VPS8: variants seen among roughly 807,000 people sequenced by gnomAD.
VPS8 encodes vacuolar protein sorting-associated protein 8 homolog.
Under a neutral mutation model 216.4 loss-of-function variants are expected in VPS8, and 129 were observed. That is an observed-to-expected ratio of 0.60 (90% CI 0.52 to 0.69). The LOEUF is 0.69. Among genes scored for constraint, VPS8 ranks in the 30% least tolerant of loss-of-function variants. The probability of loss-of-function intolerance (pLI) is 0.00; values close to 1 mark genes in which losing one functional copy is unlikely to be tolerated. For synonymous variants in VPS8, 571 were observed against 565.4 expected (o/e 1.01, Z -0.14); for missense variants, 1,531 against 1,683.5 (o/e 0.91, Z 1.59).
intron 22 of VPS8, among the ~76,000 whole-genome samples, chr3:184,893,783 A>G (rs1402203494): frequency 6.6e-6 from 1 of 152,234 alleles, no homozygotes; most frequent in Non-Finnish European, 1.5e-5. Flanking sequence ...TGTTCATTGT[A>G]GTATCACTTG....
At chr3:184,953,308 C>T (rs1458466232) in intron 36 of VPS8, among the ~76,000 whole-genome samples, 1 of 152,150 alleles carries the variant, frequency 6.6e-6, no homozygotes, top group Non-Finnish European at 1.5e-5. Context: ...GGCCAAATTG[C>T]AAATCACTAC....
chr3:184,874,929 T>C (rs576720634), intron 21 of VPS8, among the ~76,000 whole-genome samples: 108 of 152,198 alleles, frequency 7.1e-4, no homozygotes, highest in African/African-American at 2.4e-3. Flanking sequence ...TGGGTGGAAA[T>C]CAGGAGATGT....
chr3:184,862,441 AT>A (rs1467273784), intron 15 of VPS8, among the ~76,000 whole-genome samples: 5 of 152,206 alleles, frequency 3.3e-5, no homozygotes, highest in African/African-American at 1.2e-4. Flanking sequence ...AAGGAAGTAG[AT>A]TGTTAAAATA....
At chr3:184,835,709 CTTT>C (rs34896906) in intron 5 of VPS8, among the ~76,000 whole-genome samples, 1 of 126,748 alleles carries the variant, frequency 7.9e-6, no homozygotes, top group Non-Finnish European at 1.6e-5. Context: ...TTGGATTTTT[CTTT>C]TTTTTTTTTT....
intron 45 of VPS8, among the ~76,000 whole-genome samples, chr3:185,021,048 G>T (rs1453544601): frequency 6.6e-6 from 1 of 151,992 alleles, no homozygotes; most frequent in Non-Finnish European, 1.5e-5. Flanking sequence ...CTCCAGCTGG[G>T]GCAACCAGAG....
chr3:185,014,692 T>C lies in VPS8; in HGVS notation c.4003-9644T>C, dbSNP rs559747256. The stretch of plus-strand genomic sequence containing the variant: ...TATGAGGTGTCCCATAGTCCCTGTT[T>C]CTCCCCCCTTTTTTGTTTTTGTAAC... On this transcript the variant is annotated intron_variant, in intron 45 of 47. Transcript: ENST00000625842. Among the ~76,000 whole-genome samples, 20 of 152,280 alleles carry C rather than the reference T, an allele frequency of 1.3e-4. No homozygotes were observed. In the South Asian group the frequency reaches 1.5e-3, roughly 11 times the overall value.
chr3:184,915,487 A>G lies in VPS8; in HGVS notation c.2382+13A>G. On this transcript the variant is annotated intron_variant, in intron 28 of 47. Coordinates refer to ENST00000625842, the MANE Select transcript of VPS8 (RefSeq NM_001009921.3). ...TGTATTGGCACTGGTAAGAGACAGTATTATTTTAAGGTGTTTTCAAAGAAG... is the reference window on the plus strand; with the variant it reads ...TGTATTGGCACTGGTAAGAGACAGTGTTATTTTAAGGTGTTTTCAAAGAAG... The G allele has an allele frequency of 3.1e-6, 5 of 1,611,852 alleles. No homozygotes were observed. Among genetic ancestry groups the G allele is most frequent in the Non-Finnish European group, 3.4e-6 (4 of 1,179,050 alleles).
intron 36 of VPS8, among the ~76,000 whole-genome samples, chr3:184,945,179 A>C (rs538122135): frequency 4.0e-5 from 6 of 151,806 alleles, no homozygotes; most frequent in African/African-American, 1.4e-4. Flanking sequence ...CTCTCTATAT[A>C]TATATGTTTA....
At chr3:184,819,516 G>A (rs1717084290) in intron 1 of VPS8, among the ~76,000 whole-genome samples, 1 of 152,132 alleles carries the variant, frequency 6.6e-6, no homozygotes, top group African/African-American at 2.4e-5. Flanking sequence ...GCTGAAGCAG[G>A]ATCAGTATCA....
intron 36 of VPS8, among the ~76,000 whole-genome samples, chr3:184,951,035 C>T (rs1744614774): frequency 6.6e-6 from 1 of 152,086 alleles, no homozygotes; most frequent in Non-Finnish European, 1.5e-5. Context: ...CAATGTGTGC[C>T]TATGTCTTTA....
chr3:184,929,765 C>T, intron 33 of VPS8, 101 bp downstream of exon 33: 1 of 614,698 alleles, frequency 1.6e-6, no homozygotes, highest in Non-Finnish European at 2.6e-6. Context: ...GTGTATGAGC[C>T]AAATACACAT....
intron 29 of VPS8, among the ~76,000 whole-genome samples, chr3:184,921,820 C>T (rs1314122621): frequency 6.6e-6 from 1 of 152,164 alleles, no homozygotes; most frequent in Non-Finnish European, 1.5e-5. Context: ...CCACCTCAGC[C>T]TCCCAAAGTG....
chr3:184,940,276 A>ATATATG, intron 36 of VPS8, 33 bp downstream of exon 36: 1 of 805,624 alleles, frequency 1.2e-6, no homozygotes, highest in Non-Finnish European at 1.7e-6. Flanking sequence ...TTCATTATAT[A>ATATATG]TATATATATA....
At chr3:184,825,555 T>C (rs1245290810) in intron 2 of VPS8, among the ~76,000 whole-genome samples, 1 of 152,238 alleles carries the variant, frequency 6.6e-6, no homozygotes, top group Non-Finnish European at 1.5e-5. Context: ...TTTTCTTAGA[T>C]GTTGTTTTGT....
chr3:184,956,361 C>T (rs1360272361), intron 36 of VPS8, among the ~76,000 whole-genome samples: 1 of 152,246 alleles, frequency 6.6e-6, no homozygotes, highest in Non-Finnish European at 1.5e-5. Flanking sequence ...TACTTCACTA[C>T]AGTGGACCAA....
At chr3:184,886,195 C>T in intron 22 of VPS8, 39 bp downstream of exon 22, 1 of 1,574,610 alleles carries the variant, frequency 6.4e-7, no homozygotes, top group South Asian at 1.2e-5. Flanking sequence ...TTATTTTGAA[C>T]CCAGGTAGCC....
At chr3:184,831,733 A>G (rs184699956) in intron 3 of VPS8, among the ~76,000 whole-genome samples, 2 of 151,984 alleles carry the variant, frequency 1.3e-5, no homozygotes, top group East Asian at 3.9e-4. Flanking sequence ...GTAACCAGAG[A>G]CGTTTGATTT....
At chr3:184,850,581 T>C (rs1353225727) in intron 10 of VPS8, among the ~76,000 whole-genome samples, 1 of 152,212 alleles carries the variant, frequency 6.6e-6, no homozygotes, top group Non-Finnish European at 1.5e-5. Context: ...GCTTTCTCCT[T>C]ATAGGCCTGA....
chr3:184,966,648 C>T (rs749855084), intron 38 of VPS8, 23 bp from the exon 39 acceptor site: 4 of 1,530,694 alleles, frequency 2.6e-6, no homozygotes, highest in South Asian at 2.6e-5. Flanking sequence ...CTTTTTAACT[C>T]CTATGTTCTT....
Sources: gnomAD v4.1 joint callset for allele counts (sites outside exome capture counted in the v4.1 genomes callset) on GRCh38, gnomAD v4.1.1 for gene constraint, MANE v1.5 for transcripts, NCBI Gene and HGNC (gene_info 2026-07-23, HGNC 2026-07-21) for gene names.